The following LINC00237 variants were observed in gnomAD, a reference collection of about 807,000 sequenced individuals.
LINC00237 encodes the protein long independently transcribed non-coding RNA 237.
At chr20:21,105,978 G>A (rs2030994259) in intron 1 of LINC00237, among the ~76,000 whole-genome samples, 1 of 152,172 alleles carries the variant, frequency 6.6e-6, no homozygotes, top group Non-Finnish European at 1.5e-5. Context: ...TCGGGGGGAT[G>A]GGATCCAGAG....
At chr20:21,105,854 G>A (rs2030992081) in intron 1 of LINC00237, among the ~76,000 whole-genome samples, 1 of 152,178 alleles carries the variant, frequency 6.6e-6, no homozygotes, top group Admixed American at 6.5e-5. Flanking sequence ...CGAGCACTAG[G>A]CAAGGCCGGG....
chr20:21,086,944 G>C (rs1441743147), intron 3 of LINC00237, among the ~76,000 whole-genome samples: 2 of 133,834 alleles, frequency 1.5e-5, no homozygotes, highest in Non-Finnish European at 3.2e-5. Context: ...ACTATATATA[G>C]TATATATGTA....
chr20:21,088,713 C>T (rs2030747310), intron 2 of LINC00237, among the ~76,000 whole-genome samples: 1 of 152,136 alleles, frequency 6.6e-6, no homozygotes, highest in Admixed American at 6.5e-5. Context: ...TGATTCTGGC[C>T]TCACTGTTGT....
chr20:21,086,642 T>TAC (rs1284162342), intron 3 of LINC00237, among the ~76,000 whole-genome samples: 1 of 132,364 alleles, frequency 7.6e-6, no homozygotes, highest in Non-Finnish European at 1.6e-5. Flanking sequence ...ATACTATATA[T>TAC]AGTATACTAT....
chr20:21,101,758 T>C lies in LINC00237; in HGVS notation n.88+4513A>G, dbSNP rs2030934913. On this transcript the variant is annotated intron_variant and non_coding_transcript_variant, in intron 1 of 3. Transcript: ENST00000691244. The surrounding 1 kb of genome is among the most constrained non-coding windows in gnomAD (Gnocchi z 4.3). Reference sequence around the variant, plus strand: ...TCACGATTGGGCTTGGGCTTGGGCTTGGCCTTGGTCAAGAAAGGTTTCCTC... The same window carrying C: ...TCACGATTGGGCTTGGGCTTGGGCTCGGCCTTGGTCAAGAAAGGTTTCCTC... Among the ~76,000 whole-genome samples, 1 of 152,252 alleles carries C rather than the reference T, an allele frequency of 6.6e-6. No homozygotes were observed. The highest frequency in any genetic ancestry group is 2.1e-4 in the South Asian group (1 of 4,834).
chr20:21,091,499 G>A (rs776543162), intron 2 of LINC00237, among the ~76,000 whole-genome samples: 7 of 152,096 alleles, frequency 4.6e-5, no homozygotes, highest in African/African-American at 7.2e-5. Context: ...TCTTACTGAC[G>A]CCACTCTGCA....
At position 21,103,841 on chromosome 20, in the gene LINC00237, C is replaced by G. The variant is rs187965396; in HGVS notation, n.88+2430G>C. 4.6e-5 allele frequency among the ~76,000 whole-genome samples: 7 copies of G among 152,302 alleles called. No homozygotes were observed. In the East Asian group the frequency reaches 1.4e-3, roughly 29 times the overall value. The stretch of plus-strand genomic sequence containing the variant: ...GACTCATCTTGCAGGTGTCCGAAAT[C>G]ATTAGACTTGAGTGATCTTGTGGAC... On this transcript the variant is annotated intron_variant and non_coding_transcript_variant, in intron 1 of 3. Coordinates refer to ENST00000691244, the Ensembl canonical transcript of LINC00237.
At chr20:21,087,488 G>C (rs145034296) in intron 3 of LINC00237, 1 of 152,210 alleles carries the variant, frequency 6.6e-6, no homozygotes, top group Non-Finnish European at 1.5e-5. Flanking sequence ...GGACAAAGAA[G>C]AAGGACTGCT....
rs531841775 is a variant in LINC00237, at chr20:21,089,387, C to A, written n.473-1357G>T. On this transcript the variant is annotated intron_variant and non_coding_transcript_variant, in intron 2 of 3. Coordinates refer to ENST00000691244, the Ensembl canonical transcript of LINC00237. ...GACTGCCTGTGAGAATCCTGTATGTCACCATTAAATTGAAAAAGGCTTGAA... is the reference window on the plus strand; with the variant it reads ...GACTGCCTGTGAGAATCCTGTATGTAACCATTAAATTGAAAAAGGCTTGAA... Among the ~76,000 whole-genome samples, 5 of 151,860 alleles carry A rather than the reference C, an allele frequency of 3.3e-5. No homozygotes were observed. The South Asian group carries it at 1.0e-3, about 32-fold the overall frequency.
intron 2 of LINC00237, among the ~76,000 whole-genome samples, chr20:21,089,019 G>GGA (rs2122167556): frequency 6.6e-6 from 1 of 151,968 alleles, no homozygotes; most frequent in East Asian, 1.9e-4. Flanking sequence ...TTAAGTAATA[G>GGA]GAGACCCCAT....
rs1454941834 is a variant in LINC00237 at position 21,101,498 on chromosome 20, A to G, written n.88+4773T>C. 1 of 152,274 alleles carries G rather than the reference A, an allele frequency of 6.6e-6. No individual in the cohort carries two copies. Among genetic ancestry groups the G allele is most frequent in the Non-Finnish European group, 1.5e-5 (1 of 68,102 alleles). 9.4% of individuals were successfully genotyped at this position (152,274 alleles called of 1,614,324 possible). On this transcript the variant is annotated intron_variant and non_coding_transcript_variant, in intron 1 of 3. Transcript: ENST00000691244. This position sits in a 1 kb window ranked among gnomAD's most constrained non-coding sequence, Gnocchi z 4.3. ...AGTGACAGAGGCGCGTGCGGGGGAA[A>G]GGCCCACCCACGCTGTCCCTGGAGT...
Position 21,101,730 on chromosome 20 carries a change from C to A in LINC00237, n.88+4541G>T, listed in dbSNP as rs2030934230. The stretch of plus-strand genomic sequence containing the variant: ...GCCCAGTGCCTGCCTCCTGGAAAAG[C>A]TGTCACGATTGGGCTTGGGCTTGGG... On this transcript the variant is annotated intron_variant and non_coding_transcript_variant, in intron 1 of 3. Coordinates refer to ENST00000691244, the Ensembl canonical transcript of LINC00237. The surrounding 1 kb of genome is among the most constrained non-coding windows in gnomAD (Gnocchi z 4.3). Among the ~76,000 whole-genome samples, 1 of 152,268 alleles carries A rather than the reference C, an allele frequency of 6.6e-6. No homozygotes were observed. The highest frequency in any genetic ancestry group is 1.5e-5 in the Non-Finnish European group (1 of 68,042).
At chr20:21,089,256 T>C (rs892967414) in intron 2 of LINC00237, among the ~76,000 whole-genome samples, 7 of 151,664 alleles carry the variant, frequency 4.6e-5, no homozygotes, top group African/African-American at 1.7e-4. Flanking sequence ...AATTCAGTGT[T>C]GATCCTTTGC....
rs534942574 is a variant in LINC00237, at chr20:21,100,591, A to AT, written n.88+5679dup. 3.9e-3 allele frequency among the ~76,000 whole-genome samples: 581 copies of AT among 150,142 alleles called. 3 individuals carry two copies. Among genetic ancestry groups the AT allele is most frequent in the Middle Eastern group, 0.01 (3 of 294 alleles). On this transcript the variant is annotated intron_variant and non_coding_transcript_variant, in intron 1 of 3. Coordinates refer to ENST00000691244, the Ensembl canonical transcript of LINC00237. ...TTTTACAACCGCTAACCCCAAAAAC[A>AT]TTTTTTTTTTCTTTTTGTTCTTTGT...
chr20:21,104,407 A>C (rs2030970805), intron 1 of LINC00237, among the ~76,000 whole-genome samples: 1 of 152,278 alleles, frequency 6.6e-6, no homozygotes, highest in African/African-American at 2.4e-5. Flanking sequence ...CTTCTCCTTA[A>C]AATGACTCCG....
chr20:21,096,374 G>A (rs1471803865), intron 1 of LINC00237, among the ~76,000 whole-genome samples: 1 of 152,176 alleles, frequency 6.6e-6, no homozygotes, highest in Non-Finnish European at 1.5e-5. Context: ...CAGCAAGAAG[G>A]AACAGGGAGG....
rs1003036066 is a variant in LINC00237, at chr20:21,101,261, G to C, written n.88+5010C>G. 1.3e-5 allele frequency: 2 copies of C among 152,352 alleles called. No individual in the cohort carries two copies. Among genetic ancestry groups the C allele is most frequent in the Admixed American group, 6.5e-5 (1 of 15,288 alleles). The allele number at this position is 152,352 out of a possible 1,614,324, so 9.4% of individuals were successfully genotyped here. A position where few individuals can be genotyped will look rare whatever the true frequency, so the allele number is the denominator to read the frequency against. On this transcript the variant is annotated intron_variant and non_coding_transcript_variant, in intron 1 of 3. Transcript: ENST00000691244. The surrounding 1 kb of genome is among the most constrained non-coding windows in gnomAD (Gnocchi z 4.3). Reference sequence around the variant, plus strand: ...GTAAACGCGGCGACGTACAGGGAGCGCGAGCGAGGGAGGGAGCGCCGGCGA... The same window carrying C: ...GTAAACGCGGCGACGTACAGGGAGCCCGAGCGAGGGAGGGAGCGCCGGCGA...
At chr20:21,099,788 C>T (rs2030906931) in intron 1 of LINC00237, among the ~76,000 whole-genome samples, 1 of 152,172 alleles carries the variant, frequency 6.6e-6, no homozygotes, top group East Asian at 1.9e-4. Context: ...TCTCAGAGGA[C>T]TCCGGGAGAC....
At chr20:21,104,326 G>A (rs1411589196) in intron 1 of LINC00237, among the ~76,000 whole-genome samples, 1 of 152,268 alleles carries the variant, frequency 6.6e-6, no homozygotes, top group Non-Finnish European at 1.5e-5. Context: ...GCGGCATGCG[G>A]GAACCAGAGC....
Sources: gnomAD v4.1 joint callset for allele counts (sites outside exome capture counted in the v4.1 genomes callset) on GRCh38, gnomAD v4.1.1 for gene constraint, Gnocchi (gnomAD v3.1) non-coding constraint, MANE v1.5 for transcripts, NCBI Gene and HGNC (gene_info 2026-07-23, HGNC 2026-07-21) for gene names.